PTPRD: variants seen among roughly 807,000 people sequenced by gnomAD.
The protein encoded by PTPRD is protein tyrosine phosphatase receptor type D.
In PTPRD, 34 loss-of-function variants were observed where a neutral mutation model predicts 214.5. The observed-to-expected ratio is 0.16, with a 90% CI of 0.12 to 0.21. PTPRD has a LOEUF of 0.21. Among genes scored for constraint, PTPRD ranks in the 10% least tolerant of loss-of-function variants. PTPRD has a pLI of 1.00. For missense variants in PTPRD, 2,545 were observed against 2,398.7 expected (o/e 1.06, Z -1.27); for synonymous variants, 1,128 against 845.7 (o/e 1.33, Z -5.79).
chr9:8,896,032 C>T (rs186963940), intron 11 of PTPRD, among the ~76,000 whole-genome samples: 21 of 152,270 alleles, frequency 1.4e-4, no homozygotes, highest in African/African-American at 5.1e-4. Context: ...AAATCTGACA[C>T]ACTTGTGGAA....
At chr9:9,234,770 A>G (rs2099965500) in intron 9 of PTPRD, among the ~76,000 whole-genome samples, 1 of 152,106 alleles carries the variant, frequency 6.6e-6, no homozygotes, top group Non-Finnish European at 1.5e-5. Flanking sequence ...TCCATCTGAG[A>G]CCACCTCAGC....
intron 3 of PTPRD, among the ~76,000 whole-genome samples, chr9:10,165,092 G>T (rs1394965961): frequency 6.6e-6 from 1 of 151,592 alleles, no homozygotes; most frequent in Admixed American, 6.6e-5. Flanking sequence ...CTCAGGGCCT[G>T]GTGCCCTACA....
chr9:9,128,657 G>C (rs1297111184), intron 10 of PTPRD, among the ~76,000 whole-genome samples: 1 of 152,170 alleles, frequency 6.6e-6, no homozygotes, highest in African/African-American at 2.4e-5. Flanking sequence ...GAGTGTTCAT[G>C]TATACAATAC....
chr9:9,716,001 C>G (rs1280127191), intron 7 of PTPRD, among the ~76,000 whole-genome samples: 3 of 152,072 alleles, frequency 2.0e-5, no homozygotes, highest in East Asian at 1.9e-4. Context: ...TATCCCTCCC[C>G]TCTCCCCCCA....
intron 7 of PTPRD, among the ~76,000 whole-genome samples, chr9:9,614,296 C>G (rs972898158): frequency 2.6e-5 from 4 of 152,092 alleles, no homozygotes; most frequent in Non-Finnish European, 5.9e-5. Context: ...AAGCAATTCT[C>G]AGCAGTTCAA....
At chr9:9,782,202 G>C (rs1311147623) in intron 5 of PTPRD, among the ~76,000 whole-genome samples, 1 of 152,110 alleles carries the variant, frequency 6.6e-6, no homozygotes, top group East Asian at 1.9e-4. Flanking sequence ...TCAACACAGT[G>C]TGTATATGTA....
At chr9:8,807,516 G>C (rs1255452038) in intron 11 of PTPRD, among the ~76,000 whole-genome samples, 6 of 150,954 alleles carry the variant, frequency 4.0e-5, no homozygotes, top group Admixed American at 1.3e-4. Context: ...CATGAGGAGA[G>C]AATTAAACTA....
intron 3 of PTPRD, among the ~76,000 whole-genome samples, chr9:10,284,217 T>C (rs2095261856): frequency 6.6e-6 from 1 of 152,116 alleles, no homozygotes; most frequent in South Asian, 2.1e-4. Flanking sequence ...AGACCCCATC[T>C]CAAAATAAAA....
At chr9:8,940,390 C>A (rs1171217920) in intron 11 of PTPRD, among the ~76,000 whole-genome samples, 1 of 140,804 alleles carries the variant, frequency 7.1e-6, no homozygotes, top group Non-Finnish European at 1.5e-5. Context: ...TCAAGTGATT[C>A]TCCTGCCTCA....
intron 33 of PTPRD, among the ~76,000 whole-genome samples, chr9:8,458,058 GCTTCATGGGC>G (rs1039180774): frequency 9.9e-5 from 15 of 152,090 alleles, no homozygotes; most frequent in Admixed American, 9.2e-4. Context: ...TTTCAGAAAT[GCTTCATGGGC>G]CTTCAGATGG....
At chr9:9,415,862 T>C (rs940465972) in intron 8 of PTPRD, among the ~76,000 whole-genome samples, 9 of 152,120 alleles carry the variant, frequency 5.9e-5, no homozygotes, top group Admixed American at 6.5e-5. Flanking sequence ...TCCCGGTTAG[T>C]CGGGTAGGAC....
At chr9:8,446,350 A>T (rs1342222846) in intron 34 of PTPRD, among the ~76,000 whole-genome samples, 4 of 152,386 alleles carry the variant, frequency 2.6e-5, no homozygotes, top group South Asian at 2.1e-4. Flanking sequence ...AATGTAAATC[A>T]ATCTTTCATT....
chr9:9,091,216 G>C (rs1002718737), intron 10 of PTPRD: 2 of 1,422,252 alleles, frequency 1.4e-6, no homozygotes, highest in African/African-American at 2.8e-5. Context: ...TGCGGGTGCT[G>C]CCCCACGTCC....
intron 2 of PTPRD, among the ~76,000 whole-genome samples, chr9:10,592,795 AG>A (rs1409122463): frequency 6.6e-6 from 1 of 152,000 alleles, no homozygotes; most frequent in Non-Finnish European, 1.5e-5. Flanking sequence ...GGAGTCTAAA[AG>A]TAGCCAATCG....
intron 9 of PTPRD, among the ~76,000 whole-genome samples, chr9:9,287,896 GT>G (rs1327999003): frequency 6.6e-6 from 1 of 151,394 alleles, no homozygotes; most frequent in Admixed American, 6.6e-5. Flanking sequence ...TCATTTATTA[GT>G]TCTCAGATGC....
intron 14 of PTPRD, among the ~76,000 whole-genome samples, chr9:8,575,052 T>A (rs2092093370): frequency 6.6e-6 from 1 of 152,098 alleles, no homozygotes; most frequent in South Asian, 2.1e-4. Context: ...AGATCACACT[T>A]CATCAGAGGG....
At chr9:8,454,695 T>G in intron 33 of PTPRD, 3 of 1,307,192 alleles carry the variant, frequency 2.3e-6, no homozygotes, top group African/African-American at 1.4e-5. Context: ...AGAAATAGTG[T>G]TCACAAGCAA....
chr9:9,445,150 C>G (rs1422472074), intron 8 of PTPRD, among the ~76,000 whole-genome samples: 1 of 152,134 alleles, frequency 6.6e-6, no homozygotes, highest in African/African-American at 2.4e-5. Flanking sequence ...CAGTTTTAAA[C>G]TAGAGATTAT....
intron 8 of PTPRD, among the ~76,000 whole-genome samples, chr9:9,519,846 A>G (rs543289560): frequency 2.9e-4 from 44 of 152,210 alleles, no homozygotes; most frequent in Non-Finnish European, 5.9e-4. Context: ...AAACCGAACA[A>G]GTTGATCCCA....
Sources: gnomAD v4.1 joint callset for allele counts (sites outside exome capture counted in the v4.1 genomes callset) on GRCh38, gnomAD v4.1.1 for gene constraint, MANE v1.5 for transcripts, NCBI Gene and HGNC (gene_info 2026-07-23, HGNC 2026-07-21) for gene names.